XPO7: variants seen among roughly 807,000 people sequenced by gnomAD.
The protein encoded by XPO7 is exportin 7.
Under a neutral mutation model 144.3 loss-of-function variants are expected in XPO7, and 21 were observed. That is an observed-to-expected ratio of 0.15 (90% CI 0.10 to 0.21). The LOEUF (loss-of-function observed/expected upper bound fraction) is 0.21. XPO7 is among the 10% of genes least tolerant of loss of function. The probability of loss-of-function intolerance (pLI) is 1.00; values close to 1 mark genes in which losing one functional copy is unlikely to be tolerated. For synonymous variants in XPO7, 580 were observed against 499.6 expected (o/e 1.16, Z -2.15); for missense variants, 808 against 1,325.8 (o/e 0.61, Z 6.06).
chr8:21,984,526 G>A lies in XPO7; in HGVS notation c.1278-120G>A, dbSNP rs1812513562. Reference sequence around the variant, plus strand: ...TTCTTCCTTGGTTAAAAGTAATGTCGGGATGTAGACCTCTACAGTCAGAAA... The same window carrying A: ...TTCTTCCTTGGTTAAAAGTAATGTCAGGATGTAGACCTCTACAGTCAGAAA... On this transcript the variant is annotated intron_variant, in intron 11 of 27. Coordinates refer to ENST00000252512, the MANE Select transcript of XPO7 (RefSeq NM_015024.5). The A allele has an allele frequency of 5.5e-6, 5 of 901,702 alleles. No homozygotes were observed. In the South Asian group the frequency reaches 7.4e-5, roughly 13 times the overall value. The allele number at this position is 901,702 out of a possible 1,614,324, so 55.9% of individuals were successfully genotyped here.
At chr8:22,002,843 G>C (rs558524597) in intron 25 of XPO7, 147 of 171,248 alleles carry the variant, frequency 8.6e-4, no homozygotes, top group Non-Finnish European at 1.5e-3. Flanking sequence ...AATAATTCAG[G>C]ACTCCATTAC....
intron 1 of XPO7, among the ~76,000 whole-genome samples, chr8:21,944,986 G>C (rs536489126): frequency 1.6e-4 from 24 of 152,204 alleles, no homozygotes; most frequent in Non-Finnish European, 2.9e-4. Context: ...AGAACAAAAT[G>C]GAGTCTCCTA....
rs372502931 is a variant in XPO7 at position 21,980,107 on chromosome 8, C to T, written c.861C>T (p.Ile287=). 2.0e-4 allele frequency: 325 copies of T among 1,600,756 alleles called. No individual in the cohort carries two copies. Among genetic ancestry groups the T allele is most frequent in the Non-Finnish European group, 2.6e-4 (307 of 1,172,848 alleles). Residue 287 remains isoleucine, a synonymous_variant, in exon 9 of 28, where the codon ATC becomes ATT. Coordinates refer to ENST00000252512, the MANE Select transcript of XPO7 (RefSeq NM_015024.5). ...AGGTATTATCCTGCTTGGTACAGAT[C>T]GCTTCAGTCAGAAGATCCCTGTTTA... ...SPLVLSCLVQ[I]ASVRRSLFNN...
intron 1 of XPO7, among the ~76,000 whole-genome samples, chr8:21,965,243 G>A (rs1811845990): frequency 1.3e-5 from 2 of 151,924 alleles, no homozygotes; most frequent in Admixed American, 6.6e-5. Flanking sequence ...GTTTAGGAAT[G>A]TGAGTGGTTA....
intron 11 of XPO7, among the ~76,000 whole-genome samples, chr8:21,983,962 G>A (rs976023859): frequency 6.6e-6 from 1 of 152,184 alleles, no homozygotes; most frequent in African/African-American, 2.4e-5. Flanking sequence ...GCAAGACCTA[G>A]TACAGGGCCA....
rs376277388 is a variant in XPO7 at position 21,984,676 on chromosome 8, G to A, written c.1308G>A (p.Thr436=). 26 of 1,613,538 alleles carry A rather than the reference G, an allele frequency of 1.6e-5. No homozygotes were observed. The highest frequency in any genetic ancestry group is 5.5e-5 in the South Asian group (5 of 91,044). The change falls in exon 12 of 28, where the codon ACG becomes ACA. Residue 436 remains threonine (T), a synonymous_variant. Coordinates refer to ENST00000252512, the MANE Select transcript of XPO7 (RefSeq NM_015024.5). Reference sequence around the variant, plus strand: ...GCCTGGAAGATCCCCTGGAGGATACGGGGCTGGTCCAGCAGCAGTTGGACC... The same window carrying A: ...GCCTGGAAGATCCCCTGGAGGATACAGGGCTGGTCCAGCAGCAGTTGGACC... ...RDGLEDPLED[T]GLVQQQLDQL... is the part of the protein sequence containing the mutation.
chr8:21,985,807 C>T, intron 13 of XPO7, 116 bp downstream of exon 13: 1 of 842,406 alleles, frequency 1.2e-6, no homozygotes, highest in Non-Finnish European at 1.9e-6. Context: ...CCATGAGACA[C>T]AGCTTTCAAG....
In XPO7 at chr8:22,005,224, T is replaced by A; in HGVS notation, c.*136T>A. ...TGTGGGGAAAATGGCAAAGGTCAAC[T>A]AGCTGCTTCCCCAGGGAATAGGGGT... On this transcript the variant is annotated 3_prime_UTR_variant, in exon 28 of 28. Transcript: ENST00000252512. The A allele has an allele frequency of 1.6e-6, 1 of 624,300 alleles. No homozygotes were observed. The highest frequency in any genetic ancestry group is 2.7e-6 in the Non-Finnish European group (1 of 376,314). 38.7% of individuals were successfully genotyped at this position (624,300 alleles called of 1,614,324 possible). A position where few individuals can be genotyped will look rare whatever the true frequency, so the allele number is the denominator to read the frequency against.
chr8:21,990,628 T>G, intron 17 of XPO7, 183 bp from the exon 18 acceptor site: 1 of 707,636 alleles, frequency 1.4e-6, no homozygotes, highest in Non-Finnish European at 2.3e-6. Flanking sequence ...CTACTCATAC[T>G]GCAGATAAAT....
At chr8:21,967,092 C>A in intron 2 of XPO7, 89 bp downstream of exon 2, 1 of 1,477,500 alleles carries the variant, frequency 6.8e-7, no homozygotes, top group South Asian at 1.4e-5. Context: ...GGGATGGCTT[C>A]TGTTCCCTGA....
rs148246058 is a variant in XPO7 at position 21,987,066 on chromosome 8, G to A, written c.1578-75G>A. ...CCCAAGTACAGGCATATACGACCATGTCAAGATAGCTTGGGTTGTCTAGAG... is the reference window on the plus strand; with the variant it reads ...CCCAAGTACAGGCATATACGACCATATCAAGATAGCTTGGGTTGTCTAGAG... On this transcript the variant is annotated intron_variant, in intron 13 of 27. Transcript: ENST00000252512. The A allele has an allele frequency of 1.6e-3, 2,596 of 1,598,130 alleles. 32 individuals are homozygous for A. The African/African-American group carries it at 0.031, about 19-fold the overall frequency.
At chr8:22,000,417 C>T (rs1382931776) in intron 24 of XPO7, among the ~76,000 whole-genome samples, 2 of 150,702 alleles carry the variant, frequency 1.3e-5, no homozygotes, top group Non-Finnish European at 2.9e-5. Flanking sequence ...CATATGGTTT[C>T]TGTCAACCAT....
Position 21,995,617 on chromosome 8 carries a change from C to T in XPO7, c.2345+18C>T, listed in dbSNP as rs1359592749. The T allele has an allele frequency of 6.4e-7, 1 of 1,552,780 alleles. No homozygotes were observed. The stretch of plus-strand genomic sequence containing the variant: ...CATAATAGGTAAGCAGGAGGCAGAG[C>T]TTGCAAGGGCACATCTGCCCTGTTA... On this transcript the variant is annotated intron_variant, in intron 21 of 27. Coordinates refer to ENST00000252512, the MANE Select transcript of XPO7 (RefSeq NM_015024.5).
rs1367233203 is a variant in XPO7, at chr8:21,976,387, A to G, written c.629A>G (p.Glu210Gly). The stretch of plus-strand genomic sequence containing the variant: ...GGAAAGAATCTAAACTTGAATGATG[A>G]AAGTCAGCATGGCTTGCTCATGCAA... ...ASGKNLNLND[E>G]SQHGLLMQLL... is the part of the protein sequence containing the mutation. The change falls in exon 7 of 28, where the codon GAA becomes GGA. Residue 210 changes from glutamate (E) to glycine (G), a missense_variant. Physicochemically the swap from Glu to Gly is moderately conservative, Grantham distance 98. This residue lies in a region of XPO7 where 223 missense variants were observed against 368.8 expected (regional missense o/e 0.60). Coordinates refer to ENST00000252512, the MANE Select transcript of XPO7 (RefSeq NM_015024.5). The G allele has an allele frequency of 4.3e-6, 7 of 1,613,958 alleles. No individual in the cohort carries two copies. The highest frequency in any genetic ancestry group is 2.2e-5 in the East Asian group (1 of 44,878).
intron 1 of XPO7, among the ~76,000 whole-genome samples, chr8:21,955,225 T>C (rs199832835): frequency 6.6e-6 from 1 of 152,172 alleles, no homozygotes; most frequent in Admixed American, 6.5e-5. Flanking sequence ...ATCAATTCCA[T>C]AAAAGGAATT....
chr8:21,993,886 C>G (rs960625106), intron 19 of XPO7, among the ~76,000 whole-genome samples: 1 of 151,458 alleles, frequency 6.6e-6, no homozygotes, highest in Non-Finnish European at 1.5e-5. Flanking sequence ...TTGCTTTTTT[C>G]TGGCTTTTTG....
At chr8:21,925,140 T>C (rs988615680) in intron 1 of XPO7, among the ~76,000 whole-genome samples, 4 of 152,202 alleles carry the variant, frequency 2.6e-5, no homozygotes, top group Middle Eastern at 3.2e-3. Flanking sequence ...TCCTAACATT[T>C]ATAGTGACTC....
At chr8:21,956,946 T>C (rs1318246775) in intron 1 of XPO7, among the ~76,000 whole-genome samples, 3 of 152,230 alleles carry the variant, frequency 2.0e-5, no homozygotes, top group African/African-American at 7.2e-5. Flanking sequence ...TATTTGCTCA[T>C]GATCAAGATT....
intron 11 of XPO7, 47 bp downstream of exon 11, chr8:21,982,859 C>A: frequency 6.5e-7 from 1 of 1,545,762 alleles, no homozygotes; most frequent in South Asian, 1.3e-5. Context: ...GGCCTGTTGT[C>A]ACACTTCCTA....
Sources: allele counts gnomAD v4.1 joint callset (sites outside exome capture counted in the v4.1 genomes callset), GRCh38; gene constraint gnomAD v4.1.1; regional missense constraint gnomAD v4.1.1; transcripts MANE v1.5; gene names NCBI Gene and HGNC (gene_info 2026-07-23, HGNC 2026-07-21).